TUBA1A: variants seen among roughly 807,000 people sequenced by gnomAD.
The protein encoded by TUBA1A is tubulin alpha-1A chain.
A neutral mutation model predicts 34.6 loss-of-function variants in TUBA1A; 7 were observed. The observed-to-expected ratio is 0.20, with a 90% CI of 0.11 to 0.38. The LOEUF (loss-of-function observed/expected upper bound fraction) is 0.38, where lower values mean the gene tolerates loss of function less well. Ranked by LOEUF, TUBA1A falls within the 10% of genes least tolerant of loss-of-function variation. The probability of loss-of-function intolerance (pLI) is 1.00; values close to 1 mark genes in which losing one functional copy is unlikely to be tolerated. For synonymous variants in TUBA1A, 193 were observed against 210.2 expected (o/e 0.92, Z 0.71); for missense variants, 19 against 581.3 (o/e 0.03, Z 9.95).
intron 1 of TUBA1A, chr12:49,187,175 G>A: frequency 8.5e-7 from 1 of 1,178,222 alleles, no homozygotes; most frequent in Non-Finnish European, 1.1e-6. Flanking sequence ...TGACTTAATT[G>A]GGATTAATTT....
At position 49,188,427 on chromosome 12, in the gene TUBA1A, C is replaced by T; in HGVS notation, c.3+550G>A. On this transcript the variant is annotated intron_variant, in intron 1 of 3. Transcript: ENST00000301071. This position sits in a 1 kb window ranked among gnomAD's most constrained non-coding sequence, Gnocchi z 4.9. ...CCGGCAGAAACTCACCATGTTTTCC[C>T]GGGAATGTGTGGGTATCTTTCCAAA... 6.5e-7 allele frequency: 1 copy of T among 1,535,910 alleles called. No individual in the cohort carries two copies. Among genetic ancestry groups the T allele is most frequent in the Non-Finnish European group, 8.7e-7 (1 of 1,146,824 alleles).
intron 1 of TUBA1A, chr12:49,187,044 T>TG: frequency 7.0e-7 from 1 of 1,438,566 alleles, no homozygotes; most frequent in Non-Finnish European, 9.1e-7. Flanking sequence ...GCCTTGGCCC[T>TG]GTTCAGCACG....
rs1045671082 is a variant in TUBA1A at position 49,188,388 on chromosome 12, C to G, written c.3+589G>C. The G allele has an allele frequency of 2.0e-6, 3 of 1,535,738 alleles. No individual in the cohort carries two copies. The highest frequency in any genetic ancestry group is 2.0e-5 in the Admixed American group (1 of 50,990). ...CCCGCCCCTGCGCCGCCCTGACACC[C>G]GCTGCCGGGGGCTCCGGCAGAAACT... On this transcript the variant is annotated intron_variant, in intron 1 of 3. Transcript: ENST00000301071. This position sits in a 1 kb window ranked among gnomAD's most constrained non-coding sequence, Gnocchi z 4.9.
At chr12:49,187,511 T>C (rs1942195284) in intron 1 of TUBA1A, 21 of 985,792 alleles carry the variant, frequency 2.1e-5, no homozygotes, top group Non-Finnish European at 2.3e-5. Flanking sequence ...TGTGCCTGAA[T>C]TGAAATGAAT....
In TUBA1A at chr12:49,188,287, C is replaced by T; in HGVS notation, c.3+690G>A. ...GTTTTTTTGTTTTTTTTTCAGTCAG[C>T]TCCTGACAGAAGAGGTTCAGTGAGG... On this transcript the variant is annotated intron_variant, in intron 1 of 3. Coordinates refer to ENST00000301071, the MANE Select transcript of TUBA1A (RefSeq NM_006009.4). The surrounding 1 kb of genome is among the most constrained non-coding windows in gnomAD (Gnocchi z 4.9). 7.0e-7 allele frequency: 1 copy of T among 1,431,802 alleles called. No individual in the cohort carries two copies. The highest frequency in any genetic ancestry group is 9.2e-7 in the Non-Finnish European group (1 of 1,091,208). The allele number at this position is 1,431,802 out of a possible 1,614,324, so 88.7% of individuals were successfully genotyped here.
rs1565628629 is a variant in TUBA1A at position 49,189,008 on chromosome 12, T to A, written c.-29A>T. 2 of 1,614,168 alleles carry A rather than the reference T, an allele frequency of 1.2e-6. No homozygotes were observed. The highest frequency in any genetic ancestry group is 1.3e-5 in the African/African-American group (1 of 75,060). On this transcript the variant is annotated 5_prime_UTR_variant, in exon 1 of 4. Coordinates refer to ENST00000301071, the MANE Select transcript of TUBA1A (RefSeq NM_006009.4). ...TGCTGCTTCGCGACTGCCGAGCTGA[T>A]GGCGGAGACGAAGAGGAGAGGTTGT...
Position 49,185,414 on chromosome 12 carries a change from A to G in TUBA1A, c.952T>C (p.Leu318=), listed in dbSNP as rs771520376. 25 of 1,613,974 alleles carry G rather than the reference A, an allele frequency of 1.5e-5. No homozygotes were observed. Among genetic ancestry groups the G allele is most frequent in the Non-Finnish European group, 2.0e-5 (24 of 1,179,982 alleles). ...TTGGGAACCACGTCACCACGGTACA[A>G]CAGGCAGCAAGCCATGTATTTACCA... is the stretch of plus-strand genomic sequence containing the variant. ...RHGKYMACCL[L]YRGDVVPKDV... Residue 318 remains leucine, a synonymous_variant, in exon 4 of 4, where the codon TTG becomes CTG. Transcript: ENST00000301071.
Position 49,186,522 on chromosome 12 carries a change from G to T in TUBA1A, c.227-64C>A. 2 of 1,612,758 alleles carry T rather than the reference G, an allele frequency of 1.2e-6. No homozygotes were observed. The highest frequency in any genetic ancestry group is 1.7e-6 in the Non-Finnish European group (2 of 1,178,912). ...AGGAGGGACGAGGAGCGGGGAGGGA[G>T]AGTGGGTGAGTGACCAGCGGAGCCC... is the stretch of plus-strand genomic sequence containing the variant. On this transcript the variant is annotated intron_variant, in intron 2 of 3. Transcript: ENST00000301071. This position sits in a 1 kb window ranked among gnomAD's most constrained non-coding sequence, Gnocchi z 6.6.
rs560927599 is a variant in TUBA1A at position 49,187,617 on chromosome 12, G to T, written c.4-784C>A. 504 of 984,134 alleles carry T rather than the reference G, an allele frequency of 5.1e-4. 3 individuals carry two copies. The African/African-American group carries it at 8.3e-3, about 16-fold the overall frequency. The allele number at this position is 984,134 out of a possible 1,614,324, so 61.0% of individuals were successfully genotyped here. ...ATTACTTTTTTTTTTAAAAAAAAAGGTTTTTCCAGATCTTCTCCACTGTAA... is the reference window on the plus strand; with the variant it reads ...ATTACTTTTTTTTTTAAAAAAAAAGTTTTTTCCAGATCTTCTCCACTGTAA... On this transcript the variant is annotated intron_variant, in intron 1 of 3. Coordinates refer to ENST00000301071, the MANE Select transcript of TUBA1A (RefSeq NM_006009.4).
rs761301881 is a variant in TUBA1A, at chr12:49,185,100, A to C, written c.1266T>G (p.Arg422=). 2.3e-5 allele frequency: 37 copies of C among 1,614,056 alleles called. No homozygotes were observed. The Admixed American group carries it at 6.2e-4, about 27-fold the overall frequency. ...CCTTCTCAAGGGCAGCCATGTCCTC[A>C]CGGGCCTCTGAAAACTCACCTTCCT... ...GMEEGEFSEA[R]EDMAALEKDY... The change falls in exon 4 of 4, where the codon CGT becomes CGG. Residue 422 remains arginine (R), a synonymous_variant. Coordinates refer to ENST00000301071, the MANE Select transcript of TUBA1A (RefSeq NM_006009.4).
rs761327879 is a variant in TUBA1A, at chr12:49,186,753, G to A, written c.84C>T (p.His28=). Residue 28 remains histidine, a synonymous_variant, in exon 2 of 4, where the codon CAC becomes CAT. Transcript: ENST00000301071. The surrounding 1 kb of genome is among the most constrained non-coding windows in gnomAD (Gnocchi z 6.6). ...NACWELYCLE[H]GIQPDGQMPS... ...GCATCTGGCCATCGGGCTGGATGCC[G>A]TGTTCCAGGCAGTAGAGCTCCCAGC... 2.2e-5 allele frequency: 36 copies of A among 1,614,090 alleles called. No individual in the cohort carries two copies. The East Asian group carries it at 4.5e-4, about 20-fold the overall frequency.
Position 49,186,029 on chromosome 12 carries a change from T to C in TUBA1A, c.376-39A>G, listed in dbSNP as rs759817532. 14 of 1,613,384 alleles carry C rather than the reference T, an allele frequency of 8.7e-6. No homozygotes were observed. Among genetic ancestry groups the C allele is most frequent in the Admixed American group, 1.7e-5 (1 of 59,790 alleles). ...GAGGAACAGAGGAAAGGTTAAGTTT[T>C]TATTCTTTGTAGTACAATCATAGTA... is the stretch of plus-strand genomic sequence containing the variant. On this transcript the variant is annotated intron_variant, in intron 3 of 3. Coordinates refer to ENST00000301071, the MANE Select transcript of TUBA1A (RefSeq NM_006009.4). The surrounding 1 kb of genome is among the most constrained non-coding windows in gnomAD (Gnocchi z 6.6).
Position 49,188,967 on chromosome 12 carries a change from C to T in TUBA1A, c.3+10G>A, listed in dbSNP as rs748160639. Reference sequence around the variant, plus strand: ...CCCAACGGCCACAAAGAGCCGAAGCCGATTCTCACCATGGTTGCTGCTTCG... The same window carrying T: ...CCCAACGGCCACAAAGAGCCGAAGCTGATTCTCACCATGGTTGCTGCTTCG... On this transcript the variant is annotated intron_variant, in intron 1 of 3. Coordinates refer to ENST00000301071, the MANE Select transcript of TUBA1A (RefSeq NM_006009.4). This position sits in a 1 kb window ranked among gnomAD's most constrained non-coding sequence, Gnocchi z 4.9. 38 of 1,614,106 alleles carry T rather than the reference C, an allele frequency of 2.4e-5. No individual in the cohort carries two copies. Among genetic ancestry groups the T allele is most frequent in the Non-Finnish European group, 3.1e-5 (36 of 1,180,054 alleles).
In TUBA1A at chr12:49,186,337, G is replaced by A. The variant is rs768297938; in HGVS notation, c.348C>T (p.Asp116=). Residue 116 remains aspartate (D), a synonymous_variant, in exon 3 of 4, where the codon GAC becomes GAT. Transcript: ENST00000301071. This position sits in a 1 kb window ranked among gnomAD's most constrained non-coding sequence, Gnocchi z 6.6. ...GHYTIGKEII[D]LVLDRIRKLA... ...GCTTGCGAATTCGGTCCAACACGAG[G>A]TCAATGATCTCCTTGCCAATGGTGT... is the stretch of plus-strand genomic sequence containing the variant. 2 of 1,613,596 alleles carry A rather than the reference G, an allele frequency of 1.2e-6. No individual in the cohort carries two copies. Among genetic ancestry groups the A allele is most frequent in the Non-Finnish European group, 1.7e-6 (2 of 1,180,028 alleles).
In TUBA1A at chr12:49,185,526, T is replaced by C; in HGVS notation, c.840A>G (p.Lys280=). ...ATYAPVISAE[K]AYHEQLSVAE... is the part of the protein sequence containing the mutation. ...CTACAGAAAGCTGTTCATGGTAGGC[T>C]TTCTCAGCAGAGATGACAGGGGCAT... Residue 280 remains lysine, a synonymous_variant, in exon 4 of 4, where the codon AAA becomes AAG. Transcript: ENST00000301071. 1.9e-6 allele frequency: 3 copies of C among 1,613,950 alleles called. No homozygotes were observed. In the South Asian group the frequency reaches 3.3e-5, roughly 18 times the overall value.
rs2121245801 is a variant in TUBA1A at position 49,186,149 on chromosome 12, T to C, written c.376-159A>G. Reference sequence around the variant, plus strand: ...TCTCATTAACATTTACAAAATGACATCAAATAGTTCATTTTAACTGAATTT... The same window carrying C: ...TCTCATTAACATTTACAAAATGACACCAAATAGTTCATTTTAACTGAATTT... On this transcript the variant is annotated intron_variant, in intron 3 of 3. Transcript: ENST00000301071. This position sits in a 1 kb window ranked among gnomAD's most constrained non-coding sequence, Gnocchi z 6.6. The C allele has an allele frequency of 2.6e-6, 4 of 1,533,272 alleles. No homozygotes were observed. The highest frequency in any genetic ancestry group is 4.7e-5 in the East Asian group (2 of 42,378). The allele number at this position is 1,533,272 out of a possible 1,614,324, so 95.0% of individuals were successfully genotyped here.
Position 49,185,901 on chromosome 12 carries a change from T to C in TUBA1A, c.465A>G (p.Glu155=). 2 of 1,614,002 alleles carry C rather than the reference T, an allele frequency of 1.2e-6. No individual in the cohort carries two copies. The highest frequency in any genetic ancestry group is 1.7e-6 in the Non-Finnish European group (2 of 1,180,010). Residue 155 remains glutamate (E), a synonymous_variant, in exon 4 of 4, where the codon GAA becomes GAG. Coordinates refer to ENST00000301071, the MANE Select transcript of TUBA1A (RefSeq NM_006009.4). Reference sequence around the variant, plus strand: ...TCTTGCCATAATCAACTGAGAGACGTTCCATGAGCAGCGAGGTGAACCCAG... The same window carrying C: ...TCTTGCCATAATCAACTGAGAGACGCTCCATGAGCAGCGAGGTGAACCCAG... ...TGSGFTSLLM[E]RLSVDYGKKS...
Position 49,188,686 on chromosome 12 carries a change from C to A in TUBA1A, c.3+291G>T. On this transcript the variant is annotated intron_variant, in intron 1 of 3. Coordinates refer to ENST00000301071, the MANE Select transcript of TUBA1A (RefSeq NM_006009.4). The surrounding 1 kb of genome is among the most constrained non-coding windows in gnomAD (Gnocchi z 4.9). ...CCCCAGACCCCTCGGTCGCGGCAGA[C>A]GGGCTGCCCGCGGCCCCCGAAAGTC... The A allele has an allele frequency of 7.0e-7, 1 of 1,437,456 alleles. No homozygotes were observed. The highest frequency in any genetic ancestry group is 1.5e-5 in the South Asian group (1 of 66,436). 89.0% of individuals were successfully genotyped at this position (1,437,456 alleles called of 1,614,324 possible).
intron 1 of TUBA1A, chr12:49,187,552 G>C: frequency 1.0e-6 from 1 of 985,292 alleles, no homozygotes; most frequent in Non-Finnish European, 1.2e-6. Flanking sequence ...AAAAGACAAC[G>C]GGATGCGGAG....
Sources: gnomAD v4.1 joint callset for allele counts on GRCh38, gnomAD v4.1.1 for gene constraint, Gnocchi (gnomAD v3.1) non-coding constraint, MANE v1.5 for transcripts, NCBI Gene and HGNC (gene_info 2026-07-23, HGNC 2026-07-21) for gene names.